The following TBL1XR1 variants were observed in gnomAD, a reference collection of about 807,000 sequenced individuals.
TBL1XR1 encodes TBL1X/Y related 1.
A neutral mutation model predicts 66.9 loss-of-function variants in TBL1XR1; 5 were observed. That is an observed-to-expected ratio of 0.07 (90% CI 0.04 to 0.16). TBL1XR1 has a LOEUF of 0.16. Among genes scored for constraint, TBL1XR1 ranks in the 10% least tolerant of loss-of-function variants. The probability of loss-of-function intolerance (pLI) is 1.00; values close to 1 mark genes in which losing one functional copy is unlikely to be tolerated. For missense variants in TBL1XR1, 238 were observed against 623.2 expected, an observed-to-expected ratio of 0.38 and a Z score of 6.58; for synonymous variants, 210 against 206.0, an observed-to-expected ratio of 1.02 and a Z score of -0.17.
At chr3:177,188,545 C>CA (rs534419884) in intron 1 of TBL1XR1, among the ~76,000 whole-genome samples, 19 of 151,482 alleles carry the variant, frequency 1.3e-4, no homozygotes, top group African/African-American at 3.1e-4. Flanking sequence ...AAACCTCCGT[C>CA]AAAAAAAAGA....
intron 2 of TBL1XR1, among the ~76,000 whole-genome samples, chr3:177,097,959 C>A (rs1019654058): frequency 6.6e-6 from 1 of 152,202 alleles, no homozygotes; most frequent in African/African-American, 2.4e-5. Flanking sequence ...GTAATCCCAG[C>A]ACTTTGGGAA....
At chr3:177,131,482 T>A in intron 1 of TBL1XR1, 3 of 683,774 alleles carry the variant, frequency 4.4e-6, no homozygotes, top group Non-Finnish European at 5.4e-6. Context: ...AAAACTAAAT[T>A]AAAAAAACAC....
chr3:177,087,349 A>G (rs1291245553), intron 2 of TBL1XR1, among the ~76,000 whole-genome samples: 2 of 152,112 alleles, frequency 1.3e-5, no homozygotes, highest in East Asian at 3.9e-4. Context: ...TTTTTAAAAA[A>G]TATCAGGTTG....
At chr3:177,125,876 A>T (rs1727556426) in intron 1 of TBL1XR1, 1 of 152,234 alleles carries the variant, frequency 6.6e-6, no homozygotes, top group East Asian at 1.9e-4. Context: ...AAATTATGGA[A>T]TGGGCTATTA....
intron 1 of TBL1XR1, among the ~76,000 whole-genome samples, chr3:177,145,831 G>C (rs1376798045): frequency 6.6e-6 from 1 of 152,202 alleles, no homozygotes; most frequent in Non-Finnish European, 1.5e-5. Context: ...TAGTTGCAAA[G>C]GGCAGTCTTA....
rs534202688 is a variant in TBL1XR1 at position 177,039,291 on chromosome 3, A to G, written c.926-857T>C. ...CTAAACTTGTACTATCTTTATCCTTAGTACACATGGTGAAGACCAGGTGAG... is the reference window on the plus strand; with the variant it reads ...CTAAACTTGTACTATCTTTATCCTTGGTACACATGGTGAAGACCAGGTGAG... On this transcript the variant is annotated intron_variant, in intron 10 of 15. Transcript: ENST00000457928. Among the ~76,000 whole-genome samples, 7 of 152,346 alleles carry G rather than the reference A, an allele frequency of 4.6e-5. No individual in the cohort carries two copies. In the South Asian group the frequency reaches 1.4e-3, roughly 32 times the overall value.
intron 10 of TBL1XR1, chr3:177,044,858 A>G (rs1426134116): frequency 1.3e-5 from 2 of 152,162 alleles, no homozygotes; most frequent in African/African-American, 4.8e-5. Context: ...TAGCAATAGT[A>G]CCATAAACAT....
chr3:177,195,250 A>C (rs1736682120), intron 1 of TBL1XR1, among the ~76,000 whole-genome samples: 1 of 152,014 alleles, frequency 6.6e-6, no homozygotes, highest in Admixed American at 6.6e-5. Flanking sequence ...CAAGAAGCCT[A>C]ATCACACATC....
At chr3:177,114,749 G>A (rs1467170867) in intron 1 of TBL1XR1, among the ~76,000 whole-genome samples, 1 of 151,960 alleles carries the variant, frequency 6.6e-6, no homozygotes, top group Non-Finnish European at 1.5e-5. Context: ...GCTGAGATGG[G>A]AAGATCGCTT....
intron 3 of TBL1XR1, among the ~76,000 whole-genome samples, chr3:177,056,439 T>G (rs1717813620): frequency 6.6e-6 from 1 of 152,196 alleles, no homozygotes. Context: ...GGTGCTTACA[T>G]GCATCTCAAG....
chr3:177,108,526 T>C (rs1725159074), intron 1 of TBL1XR1, among the ~76,000 whole-genome samples: 1 of 152,204 alleles, frequency 6.6e-6, no homozygotes, highest in Non-Finnish European at 1.5e-5. Context: ...AACATAGTGT[T>C]TGGCTTATTG....
rs187252274 is a variant in TBL1XR1 at position 177,175,426 on chromosome 3, T to C, written c.-122+21695A>G. Among the ~76,000 whole-genome samples, 263 of 152,322 alleles carry C rather than the reference T, an allele frequency of 1.7e-3. 1 individual carries two copies. Among genetic ancestry groups the C allele is most frequent in the African/African-American group, 6.0e-3 (251 of 41,574 alleles). ...ACAAGTTTAATGAATAAAATAGAAG[T>C]TTCCTCTTCAGATATCTAAAAAATA... On this transcript the variant is annotated intron_variant, in intron 1 of 15. Transcript: ENST00000457928.
At chr3:177,027,765 C>G (rs1039671326) in intron 14 of TBL1XR1, 1 of 152,192 alleles carries the variant, frequency 6.6e-6, no homozygotes, top group Non-Finnish European at 1.5e-5. Context: ...TTGGTACTGA[C>G]ACATTGCTAC....
chr3:177,071,377 AT>A (rs900985566), intron 2 of TBL1XR1, among the ~76,000 whole-genome samples: 2 of 152,172 alleles, frequency 1.3e-5, no homozygotes, highest in African/African-American at 2.4e-5. Flanking sequence ...ACCCACAGTA[AT>A]GTTTATGAAA....
At chr3:177,060,683 T>G (rs1355232242) in intron 3 of TBL1XR1, among the ~76,000 whole-genome samples, 1 of 152,160 alleles carries the variant, frequency 6.6e-6, no homozygotes, top group Non-Finnish European at 1.5e-5. Flanking sequence ...AAGAAGTCAA[T>G]GGTGACGCAA....
At chr3:177,172,689 GGAGGGGAGGA>G (rs1733703767) in intron 1 of TBL1XR1, among the ~76,000 whole-genome samples, 1 of 135,686 alleles carries the variant, frequency 7.4e-6, no homozygotes, top group Non-Finnish European at 1.6e-5. Flanking sequence ...AGGGGAGAGG[GGAGGGGAGGA>G]GAGGGAAGAG....
intron 1 of TBL1XR1, among the ~76,000 whole-genome samples, chr3:177,107,379 T>C (rs969337807): frequency 1.3e-5 from 2 of 152,232 alleles, no homozygotes; most frequent in Non-Finnish European, 2.9e-5. Context: ...TGGCATAATC[T>C]AGACAGTATC....
intron 1 of TBL1XR1, among the ~76,000 whole-genome samples, chr3:177,185,677 T>G (rs1359437921): frequency 3.3e-5 from 5 of 151,604 alleles, no homozygotes; most frequent in Non-Finnish European, 7.4e-5. Flanking sequence ...AGGTCCCTTA[T>G]TAACAAAAAA....
chr3:177,130,987 C>G (rs796168447), intron 1 of TBL1XR1, among the ~76,000 whole-genome samples: 5 of 152,230 alleles, frequency 3.3e-5, no homozygotes, highest in African/African-American at 1.2e-4. Context: ...CATAGCAAGA[C>G]CCTGTCTCTA....
Sources: gnomAD v4.1 joint callset for allele counts (sites outside exome capture counted in the v4.1 genomes callset) on GRCh38, gnomAD v4.1.1 for gene constraint, MANE v1.5 for transcripts, NCBI Gene and HGNC (gene_info 2026-07-23, HGNC 2026-07-21) for gene names.